The following HMCN1 variants were observed in gnomAD, a reference collection of about 807,000 sequenced individuals.
The protein encoded by HMCN1 is hemicentin 1.
Under a neutral mutation model 625.9 loss-of-function variants are expected in HMCN1, and 321 were observed. The ratio of observed to expected loss-of-function variants is 0.51; its 90% confidence interval spans 0.47 to 0.56. HMCN1 has a LOEUF of 0.56. Ranked by LOEUF, HMCN1 falls within the 20% of genes least tolerant of loss-of-function variation. HMCN1 has a pLI of 0.00. For synonymous variants in HMCN1, 2,425 were observed against 2,417.6 expected (o/e 1.00, Z -0.09); for missense variants, 6,588 against 6,887.3 (o/e 0.96, Z 1.54).
At chr1:185,879,897 G>A (rs1664189573) in intron 4 of HMCN1, among the ~76,000 whole-genome samples, 1 of 152,128 alleles carries the variant, frequency 6.6e-6, no homozygotes, top group South Asian at 2.1e-4. Flanking sequence ...AGTAAGACTT[G>A]CTATGGAGAG....
At chr1:185,941,589 A>G (rs1571590772) in intron 11 of HMCN1, among the ~76,000 whole-genome samples, 2 of 152,116 alleles carry the variant, frequency 1.3e-5, no homozygotes, top group Non-Finnish European at 2.9e-5. Context: ...ACTAAATTAG[A>G]TTTTCTTGTA....
At chr1:185,759,709 T>A (rs1336245754) in intron 1 of HMCN1, among the ~76,000 whole-genome samples, 1 of 137,778 alleles carries the variant, frequency 7.3e-6, no homozygotes, top group Non-Finnish European at 1.5e-5. Context: ...AATTCAATAC[T>A]TTTTTTTTTA....
intron 11 of HMCN1, among the ~76,000 whole-genome samples, chr1:185,946,806 G>A (rs1306544439): frequency 6.6e-6 from 1 of 152,170 alleles, no homozygotes; most frequent in Non-Finnish European, 1.5e-5. Flanking sequence ...TTTGTACTAA[G>A]AGTTACTGAA....
At chr1:185,880,286 G>T (rs750927870) in intron 4 of HMCN1, among the ~76,000 whole-genome samples, 5 of 152,174 alleles carry the variant, frequency 3.3e-5, no homozygotes, top group East Asian at 1.9e-4. Context: ...TGGAAAAAAA[G>T]CATAGAACAT....
At chr1:185,857,717 T>G (rs545002051) in intron 2 of HMCN1, among the ~76,000 whole-genome samples, 2 of 152,154 alleles carry the variant, frequency 1.3e-5, no homozygotes, top group Non-Finnish European at 2.9e-5. Context: ...GTATGTTAAG[T>G]GTACCTCGAA....
In HMCN1 at chr1:185,923,484, T is replaced by C; in HGVS notation, c.1116T>C (p.Leu372=). Residue 372 remains leucine (L), a synonymous_variant, in exon 8 of 107, where the codon CTT becomes CTC. Transcript: ENST00000271588. ...TTTTGAGTATCTCAGGAAGTTCTCT[T>C]AAGACTATTCCTGTTAAATATTACC... The part of the protein sequence containing the change: ...LELLSISGSS[L]KTIPVKYYPH... 1 of 1,611,226 alleles carries C rather than the reference T, an allele frequency of 6.2e-7. No individual in the cohort carries two copies. Among genetic ancestry groups the C allele is most frequent in the Non-Finnish European group, 8.5e-7 (1 of 1,177,696 alleles).
intron 36 of HMCN1, among the ~76,000 whole-genome samples, chr1:186,031,382 G>A (rs1259419293): frequency 6.6e-6 from 1 of 151,782 alleles, no homozygotes; most frequent in Non-Finnish European, 1.5e-5. Context: ...GAAATTGGCT[G>A]TTGTTTGTAC....
rs55943726 is a variant in HMCN1, at chr1:185,911,797, A to G, written c.900+17A>G. 0.014 allele frequency: 22,537 copies of G among 1,563,300 alleles called. 2,650 individuals carry two copies. In the African/African-American group the frequency reaches 0.26, roughly 18 times the overall value. ...ACAGTGAAGGTACGGTTGTTTCACA[A>G]AGTTTGTTTATTGTTTTATTTTGAA... is the stretch of plus-strand genomic sequence containing the variant. On this transcript the variant is annotated intron_variant, in intron 6 of 106. Coordinates refer to ENST00000271588, the MANE Select transcript of HMCN1 (RefSeq NM_031935.3).
Position 186,062,497 on chromosome 1 carries a change from T to C in HMCN1, c.7427-17T>C, listed in dbSNP as rs1657770072. The C allele has an allele frequency of 6.8e-7, 1 of 1,477,808 alleles. No homozygotes were observed. The highest frequency in any genetic ancestry group is 9.5e-7 in the Non-Finnish European group (1 of 1,056,244). The allele number at this position is 1,477,808 out of a possible 1,614,324, so 91.5% of individuals were successfully genotyped here. On this transcript the variant is annotated splice_polypyrimidine_tract_variant and intron_variant, in intron 47 of 106. Transcript: ENST00000271588. ...GCTGTTAAGAGCTGTTATTTTGTTGTTGTTGTTGTTTTTTAGTACCACCTC... is the reference window on the plus strand; with the variant it reads ...GCTGTTAAGAGCTGTTATTTTGTTGCTGTTGTTGTTTTTTAGTACCACCTC...
At chr1:185,905,099 T>G (rs984361034) in intron 4 of HMCN1, among the ~76,000 whole-genome samples, 1 of 151,888 alleles carries the variant, frequency 6.6e-6, no homozygotes, top group Admixed American at 6.6e-5. Flanking sequence ...AAGTTTGAAC[T>G]CTATTCAGCT....
At chr1:186,050,588 A>G (rs1048208124) in intron 42 of HMCN1, among the ~76,000 whole-genome samples, 1 of 152,026 alleles carries the variant, frequency 6.6e-6, no homozygotes, top group Admixed American at 6.6e-5. Context: ...GGATGGGTGA[A>G]TGAGTAATAT....
In HMCN1 at chr1:185,796,482, C is replaced by A. The variant is rs188910461; in HGVS notation, c.269-49544C>A. Among the ~76,000 whole-genome samples the A allele has an allele frequency of 7.2e-5, 11 of 152,308 alleles. No homozygotes were observed. In the East Asian group the frequency reaches 2.1e-3, roughly 29 times the overall value. ...TATTATTCCACTCCCTATGTCCATG[C>A]GTACACATTATTTAGCTTCCGCTTA... On this transcript the variant is annotated intron_variant, in intron 1 of 106. Coordinates refer to ENST00000271588, the MANE Select transcript of HMCN1 (RefSeq NM_031935.3).
At chr1:185,962,350 G>A (rs890015540) in intron 11 of HMCN1, among the ~76,000 whole-genome samples, 168 bp from the exon 12 acceptor site, 1 of 152,076 alleles carries the variant, frequency 6.6e-6, no homozygotes, top group African/African-American at 2.4e-5. Flanking sequence ...TACTTCCCTT[G>A]TTTTCATTAC....
Position 186,189,683 on chromosome 1 carries a change from G to A in HMCN1, c.16713G>A (p.Met5571Ile). Residue 5571 changes from methionine (M) to isoleucine (I), a missense_variant, in exon 107 of 107, where the codon ATG (methionine) becomes ATA (isoleucine). Coordinates refer to ENST00000271588, the MANE Select transcript of HMCN1 (RefSeq NM_031935.3). ...TGCATCCCAGGACAACTTTCCTCAT[G>A]GTAGATGAGGAACAGACTGTTCCTT... ...GVMHPRTTFL[M>I]VDEEQTVPFA... The A allele has an allele frequency of 6.2e-7, 1 of 1,612,138 alleles. No homozygotes were observed. Among genetic ancestry groups the A allele is most frequent in the Non-Finnish European group, 8.5e-7 (1 of 1,178,580 alleles).
chr1:186,030,008 A>G (rs1173229233), intron 36 of HMCN1, among the ~76,000 whole-genome samples: 7 of 152,116 alleles, frequency 4.6e-5, no homozygotes, highest in Non-Finnish European at 1.0e-4. Context: ...TCATTTTCAC[A>G]TATTTGTGAA....
chr1:185,892,163 A>C (rs1665141742), intron 4 of HMCN1, among the ~76,000 whole-genome samples: 1 of 148,596 alleles, frequency 6.7e-6, no homozygotes. Flanking sequence ...CAGCTCCATC[A>C]GCTCCTTTAA....
intron 80 of HMCN1, among the ~76,000 whole-genome samples, chr1:186,121,972 AAGT>A (rs1661420474): frequency 6.6e-6 from 1 of 152,194 alleles, no homozygotes; most frequent in Non-Finnish European, 1.5e-5. Flanking sequence ...CAGTTGAGTC[AAGT>A]AGGATAAGGA....
At chr1:186,067,728 A>ACTG (rs1658218918) in intron 49 of HMCN1, 106 bp from the exon 50 acceptor site, 3 of 735,918 alleles carry the variant, frequency 4.1e-6, no homozygotes, top group Admixed American at 5.1e-5. Context: ...GTTTTCTGTA[A>ACTG]CTGCTAGGGA....
chr1:186,086,215 G>A, intron 57 of HMCN1, 31 bp from the exon 58 acceptor site: 1 of 1,579,616 alleles, frequency 6.3e-7, no homozygotes, highest in South Asian at 1.1e-5. Context: ...GATAACACCT[G>A]CTTTCACTTT....
Sources: allele counts gnomAD v4.1 joint callset (sites outside exome capture counted in the v4.1 genomes callset), GRCh38; gene constraint gnomAD v4.1.1; transcripts MANE v1.5; gene names NCBI Gene and HGNC (gene_info 2026-07-23, HGNC 2026-07-21).